PARVB: variants seen among roughly 807,000 people sequenced by gnomAD.
The protein encoded by PARVB is parvin beta.
Under a neutral mutation model 47.0 loss-of-function variants are expected in PARVB, and 46 were observed. The observed-to-expected ratio is 0.98, with a 90% CI of 0.77 to 1.25. The LOEUF is 1.25. Among genes scored for constraint, PARVB ranks in the 50% most tolerant of loss-of-function variants. The pLI is 0.00. For synonymous variants in PARVB, 196 were observed against 196.3 expected (o/e 1.00, Z 0.01); for missense variants, 473 against 471.6 (o/e 1.00, Z -0.03).
At chr22:44,027,366 T>C (rs111552622) in intron 1 of PARVB, among the ~76,000 whole-genome samples, 2,488 of 152,240 alleles carry the variant, frequency 0.016, 69 homozygotes, top group African/African-American at 0.054. Context: ...CAGAGGCGGA[T>C]GGCCGGCCCT....
Position 44,147,867 on chromosome 22 carries a change from A to G in PARVB, c.719A>G (p.Asp240Gly). 1 of 1,613,994 alleles carries G rather than the reference A, an allele frequency of 6.2e-7. No homozygotes were observed. The highest frequency in any genetic ancestry group is 8.5e-7 in the Non-Finnish European group (1 of 1,179,912). ...TEMMMGRFERDAFDTLFDHAP... is the reference protein window; with the variant it reads ...TEMMMGRFERGAFDTLFDHAP... ...TCTCTTTGCATGTCCTCAGAGCGGG[A>G]TGCCTTCGACACGCTGTTCGACCAC... Residue 240 changes from aspartate (D) to glycine (G), a missense_variant, in exon 9 of 13, where the codon GAT (aspartate) becomes GGT (glycine). Transcript: ENST00000338758.
At chr22:44,162,140 A>AC (rs2054067758) in intron 11 of PARVB, among the ~76,000 whole-genome samples, 1 of 152,240 alleles carries the variant, frequency 6.6e-6, no homozygotes, top group Non-Finnish European at 1.5e-5. Flanking sequence ...GGCCGTGTGC[A>AC]CTGTGGAAGC....
intron 1 of PARVB, among the ~76,000 whole-genome samples, chr22:44,091,274 C>CT (rs3083368): frequency 0.021 from 1,906 of 90,596 alleles, 32 homozygotes; most frequent in African/African-American, 0.035. Flanking sequence ...AGAGGGCCTG[C>CT]TTTTTTTTTT....
At chr22:44,033,835 G>T (rs781766098) in intron 1 of PARVB, among the ~76,000 whole-genome samples, 1 of 152,158 alleles carries the variant, frequency 6.6e-6, no homozygotes, top group South Asian at 2.1e-4. Flanking sequence ...TGCGTACGTT[G>T]CTTGCTCAAA....
intron 1 of PARVB, among the ~76,000 whole-genome samples, chr22:44,081,409 G>T (rs544844900): frequency 6.6e-6 from 1 of 152,198 alleles, no homozygotes; most frequent in Non-Finnish European, 1.5e-5. Context: ...CCACATCCCC[G>T]TTTCCATGGC....
intron 1 of PARVB, among the ~76,000 whole-genome samples, chr22:44,055,943 C>T (rs8142866): frequency 0.25 from 38,166 of 152,092 alleles, 6,253 homozygotes; most frequent in African/African-American, 0.46. Context: ...ATGCTAACCT[C>T]ATCTAGAAAC....
intron 1 of PARVB, among the ~76,000 whole-genome samples, chr22:44,055,865 C>G (rs990214610): frequency 6.6e-6 from 1 of 152,172 alleles, no homozygotes; most frequent in Non-Finnish European, 1.5e-5. Context: ...ATTCAGGTGT[C>G]AAATGGATTG....
chr22:44,039,265 C>G (rs1422229084), intron 1 of PARVB, among the ~76,000 whole-genome samples: 1 of 152,130 alleles, frequency 6.6e-6, no homozygotes, highest in Non-Finnish European at 1.5e-5. Flanking sequence ...AAGTAGGAAT[C>G]TGTGGCTGAG....
intron 2 of PARVB, among the ~76,000 whole-genome samples, chr22:44,016,817 T>G (rs1160508992): frequency 6.6e-6 from 1 of 152,142 alleles, no homozygotes; most frequent in Non-Finnish European, 1.5e-5. Context: ...AATGTTCAGA[T>G]TTTGAACCAT....
chr22:44,161,634 C>T (rs6006682), intron 11 of PARVB, among the ~76,000 whole-genome samples: 423 of 152,228 alleles, frequency 2.8e-3, no homozygotes, highest in African/African-American at 9.4e-3. Flanking sequence ...TTTAGGGCAC[C>T]GATGTCCTAG....
chr22:44,140,248 G>A (rs2053524992), intron 8 of PARVB, 105 bp downstream of exon 8: 17 of 1,095,206 alleles, frequency 1.6e-5, no homozygotes, highest in South Asian at 1.2e-5. Flanking sequence ...GAAACTAGAT[G>A]GGTCTCACTG....
chr22:44,091,565 T>C (rs901217667), intron 1 of PARVB, among the ~76,000 whole-genome samples: 1 of 152,188 alleles, frequency 6.6e-6, no homozygotes, highest in Admixed American at 6.5e-5. Context: ...ACTGGTGGAA[T>C]TGTACAGTGT....
chr22:44,070,397 C>T (rs1391612809), intron 1 of PARVB, among the ~76,000 whole-genome samples: 1 of 152,212 alleles, frequency 6.6e-6, no homozygotes, highest in Admixed American at 6.5e-5. Flanking sequence ...CTGGTAAATG[C>T]TCCTTCCCCA....
chr22:44,128,383 G>A (rs928931806), intron 4 of PARVB, among the ~76,000 whole-genome samples: 5 of 152,222 alleles, frequency 3.3e-5, no homozygotes, highest in African/African-American at 1.2e-4. Flanking sequence ...CTCTCTTTCT[G>A]TGCTAGGAAG....
intron 1 of PARVB, among the ~76,000 whole-genome samples, chr22:44,086,232 A>G (rs1009190755): frequency 6.6e-6 from 1 of 152,198 alleles, no homozygotes; most frequent in African/African-American, 2.4e-5. Flanking sequence ...GCCCACATCC[A>G]TTTCTCGGCA....
rs2053809963 is a variant in PARVB, at chr22:44,151,541, T to TGG, written c.834_835dup (p.Glu279GlyfsTer30). The TGG allele has an allele frequency of 6.2e-7, 1 of 1,613,010 alleles. No individual in the cohort carries two copies. The highest frequency in any genetic ancestry group is 1.7e-5 in the Admixed American group (1 of 60,004). ...AAGCTGAATTTGGAGGTGACGGAAC[T>TGG]GGAGACCCAGGTATGTGCTGCTTTG... On this transcript the variant is annotated frameshift_variant, in exon 10 of 13. Transcript: ENST00000338758. LOFTEE classifies it high-confidence loss of function.
In PARVB at chr22:44,062,317, G is replaced by A. The variant is rs146886242; in HGVS notation, c.113-31611G>A. Among the ~76,000 whole-genome samples, 243 of 152,184 alleles carry A rather than the reference G, an allele frequency of 1.6e-3. 1 individual carries two copies. The highest frequency in any genetic ancestry group is 5.7e-3 in the African/African-American group (235 of 41,512). ...TCAGGGTCCCCACGACTGCTTCCTC[G>A]GTTTTGATTAATTTGCTGGGACTCA... On this transcript the variant is annotated intron_variant, in intron 1 of 12. Transcript: ENST00000338758.
chr22:44,097,754 C>T (rs2052342913), intron 2 of PARVB, among the ~76,000 whole-genome samples: 1 of 152,256 alleles, frequency 6.6e-6, no homozygotes, highest in African/African-American at 2.4e-5. Context: ...CTGTTCCCCT[C>T]TAGGCGGGGT....
At chr22:44,061,234 G>A (rs2051412666) in intron 1 of PARVB, among the ~76,000 whole-genome samples, 1 of 152,156 alleles carries the variant, frequency 6.6e-6, no homozygotes, top group Non-Finnish European at 1.5e-5. Flanking sequence ...TTCGAGACCA[G>A]CCTAGCTAAC....
Sources: gnomAD v4.1 joint callset for allele counts (sites outside exome capture counted in the v4.1 genomes callset) on GRCh38, gnomAD v4.1.1 for gene constraint, MANE v1.5 for transcripts, NCBI Gene and HGNC (gene_info 2026-07-23, HGNC 2026-07-21) for gene names.